The following U2SURP variants were observed in gnomAD, a reference collection of about 807,000 sequenced individuals.
U2SURP encodes the protein U2 snRNP associated SURP domain containing, also known as U2 snRNP-associated SURP motif-containing protein.
U2SURP carries 9 observed loss-of-function variants against 144.9 expected under a neutral mutation model. That is an observed-to-expected ratio of 0.06 (90% confidence interval 0.04 to 0.11). The LOEUF (loss-of-function observed/expected upper bound fraction) is 0.11. U2SURP is among the 10% of genes least tolerant of loss of function. U2SURP has a pLI of 1.00. For missense variants in U2SURP, 724 were observed against 1,226.7 expected (o/e 0.59, Z 6.12); for synonymous variants, 408 against 396.8 (o/e 1.03, Z -0.33).
chr3:143,055,371 G>T lies in U2SURP; in HGVS notation c.2951+252G>T, dbSNP rs142688481. Among the ~76,000 whole-genome samples, 182 of 152,070 alleles carry T rather than the reference G, an allele frequency of 1.2e-3. 2 individuals carry two copies. In the East Asian group the frequency reaches 0.031, roughly 26 times the overall value. On this transcript the variant is annotated intron_variant, in intron 27 of 27. Coordinates refer to ENST00000473835, the MANE Select transcript of U2SURP (RefSeq NM_001080415.2). Reference sequence around the variant, plus strand: ...AAACATCATATCCAATGTTTTCTGTGGAATAGGGTTAGCTGCTTTACTTTT... The same window carrying T: ...AAACATCATATCCAATGTTTTCTGTTGAATAGGGTTAGCTGCTTTACTTTT...
Position 143,052,144 on chromosome 3 carries a change from C to T in U2SURP, c.2655+1095C>T, listed in dbSNP as rs139097926. Among the ~76,000 whole-genome samples the T allele has an allele frequency of 1.7e-3, 262 of 152,242 alleles. 1 individual carries two copies. Among genetic ancestry groups the T allele is most frequent in the South Asian group, 2.5e-3 (12 of 4,824 alleles). ...GCTCACGCCTGTAATCCCAGCACTT[C>T]GGGAGGCCGGGCAATCACCTCAGGC... is the stretch of plus-strand genomic sequence containing the variant. On this transcript the variant is annotated intron_variant, in intron 25 of 27. Coordinates refer to ENST00000473835, the MANE Select transcript of U2SURP (RefSeq NM_001080415.2).
chr3:143,049,878 A>G (rs1474337195), intron 24 of U2SURP, among the ~76,000 whole-genome samples: 1 of 152,196 alleles, frequency 6.6e-6, no homozygotes, highest in African/African-American at 2.4e-5. Context: ...TGATTTTACT[A>G]GTTTTTTCAG....
Position 143,056,452 on chromosome 3 carries a change from G to A in U2SURP, c.*2G>A, listed in dbSNP as rs754417273. On this transcript the variant is annotated 3_prime_UTR_variant, in exon 28 of 28. Transcript: ENST00000473835. ...AAGTCAAAGAAAAACAAACACTGAC[G>A]TAAATTTTTAAGATGCTGTCACTTA... The A allele has an allele frequency of 3.1e-6, 5 of 1,611,078 alleles. No individual in the cohort carries two copies. The highest frequency in any genetic ancestry group is 1.7e-4 in the Middle Eastern group (1 of 6,040).
At chr3:143,009,319 C>T (rs375052829) in intron 1 of U2SURP, among the ~76,000 whole-genome samples, 44 of 151,998 alleles carry the variant, frequency 2.9e-4, no homozygotes, top group African/African-American at 9.6e-4. Context: ...GAGATGGGGC[C>T]GGGTGCGGTC....
At chr3:143,046,297 A>ATTTTTTTTTTTTT (rs11400849) in intron 24 of U2SURP, among the ~76,000 whole-genome samples, 6 of 106,386 alleles carry the variant, frequency 5.6e-5, no homozygotes, top group Admixed American at 1.0e-4. Context: ...TTTATTTTTT[A>ATTTTTTTTTTTTT]TTTTTTTTTA....
rs774350003 is a variant in U2SURP, at chr3:143,038,939, CAGA to C, written c.2374_2376del (p.Glu792del). On this transcript the variant is annotated inframe_deletion, in exon 23 of 28. Coordinates refer to ENST00000473835, the MANE Select transcript of U2SURP (RefSeq NM_001080415.2). ...GAATTATTTGACCAGCATGAAGAAT[CAGA>C]AGAAGAAGAAAATCAAAAGTAAGAA... The C allele has an allele frequency of 1.3e-5, 20 of 1,540,722 alleles. No individual in the cohort carries two copies. Among genetic ancestry groups the C allele is most frequent in the South Asian group, 1.3e-4 (10 of 79,648 alleles).
intron 1 of U2SURP, among the ~76,000 whole-genome samples, chr3:143,003,295 A>G (rs1047811100): frequency 3.3e-5 from 5 of 152,236 alleles, no homozygotes; most frequent in African/African-American, 9.6e-5. Context: ...GAATCAGAAT[A>G]TCTTAACTAA....
chr3:143,022,840 T>G lies in U2SURP; in HGVS notation c.1019-13T>G, dbSNP rs1440455395. The G allele has an allele frequency of 8.5e-6, 13 of 1,537,218 alleles. No individual in the cohort carries two copies. In the Admixed American group the frequency reaches 2.9e-4, roughly 35 times the overall value. ...GAGAGTTAACAAAATGACCTTTCATTTCTTTCTTGTAGGAAAAATGATTAT... is the reference window on the plus strand; with the variant it reads ...GAGAGTTAACAAAATGACCTTTCATGTCTTTCTTGTAGGAAAAATGATTAT... On this transcript the variant is annotated splice_polypyrimidine_tract_variant and intron_variant, in intron 11 of 27. Coordinates refer to ENST00000473835, the MANE Select transcript of U2SURP (RefSeq NM_001080415.2).
chr3:143,027,350 C>T, intron 14 of U2SURP, 97 bp downstream of exon 14: 1 of 858,262 alleles, frequency 1.2e-6, no homozygotes, highest in Non-Finnish European at 1.8e-6. Flanking sequence ...AGTACATTCA[C>T]ATTGTTGTAC....
chr3:143,032,654 CTGAA>C (rs1933573197), intron 16 of U2SURP, 126 bp from the exon 17 acceptor site: 1 of 729,508 alleles, frequency 1.4e-6, no homozygotes, highest in East Asian at 2.8e-5. Flanking sequence ...ACAAATCAGA[CTGAA>C]TGTATTACAG....
At chr3:143,004,353 GTTTTTT>G (rs869186497) in intron 1 of U2SURP, among the ~76,000 whole-genome samples, 1 of 83,412 alleles carries the variant, frequency 1.2e-5, no homozygotes, top group African/African-American at 4.2e-5. Context: ...TAGTTGGGGT[GTTTTTT>G]TTTTTTTTTT....
At chr3:143,054,155 C>A (rs1212009162) in intron 26 of U2SURP, among the ~76,000 whole-genome samples, 1 of 152,214 alleles carries the variant, frequency 6.6e-6, no homozygotes, top group East Asian at 1.9e-4. Flanking sequence ...GCTGAGGCTG[C>A]TACTTGTAAA....
rs545808765 is a variant in U2SURP, at chr3:143,045,940, A to G, written c.2544+2664A>G. Among the ~76,000 whole-genome samples the G allele has an allele frequency of 1.4e-3, 218 of 152,372 alleles. 1 individual carries two copies. Among genetic ancestry groups the G allele is most frequent in the African/African-American group, 4.5e-3 (188 of 41,594 alleles). On this transcript the variant is annotated intron_variant, in intron 24 of 27. Coordinates refer to ENST00000473835, the MANE Select transcript of U2SURP (RefSeq NM_001080415.2). The stretch of plus-strand genomic sequence containing the variant: ...ACTCGGAGCTCATGAGCTTTATCCC[A>G]GGGCTTTTCACAACTAGCTCTCTTC...
At chr3:143,001,796 C>A in intron 1 of U2SURP, 123 bp downstream of exon 1, 1 of 1,245,632 alleles carries the variant, frequency 8.0e-7, no homozygotes, top group Non-Finnish European at 1.1e-6. Flanking sequence ...GACGGTAGGC[C>A]CGGGCGCCGC....
At chr3:143,055,352 C>G (rs1240273727) in intron 27 of U2SURP, among the ~76,000 whole-genome samples, 1 of 152,066 alleles carries the variant, frequency 6.6e-6, no homozygotes, top group Non-Finnish European at 1.5e-5. Flanking sequence ...TTTTAAACAT[C>G]ATATCCAATG....
chr3:143,055,152 A>T (rs1340343440), intron 27 of U2SURP, 33 bp downstream of exon 27: 1 of 1,506,066 alleles, frequency 6.6e-7, no homozygotes, highest in African/African-American at 1.4e-5. Flanking sequence ...AATATTTCAG[A>T]TACCAGTTTC....
chr3:143,033,138 T>G (rs1005011888), intron 17 of U2SURP, 133 bp from the exon 18 acceptor site: 1 of 828,018 alleles, frequency 1.2e-6, no homozygotes, highest in African/African-American at 1.7e-5. Context: ...GTTAACAAAT[T>G]TCATCTCTGC....
At position 143,017,047 on chromosome 3, in the gene U2SURP, A is replaced by G. The variant is rs972113318; in HGVS notation, c.570+72A>G. ...TGCCAGTGATACTTCCACTGTAAGCAAGACTTTGGCTTTTTTTCGTTTTTG... is the reference window on the plus strand; with the variant it reads ...TGCCAGTGATACTTCCACTGTAAGCGAGACTTTGGCTTTTTTTCGTTTTTG... On this transcript the variant is annotated intron_variant, in intron 6 of 27. Coordinates refer to ENST00000473835, the MANE Select transcript of U2SURP (RefSeq NM_001080415.2). 7.0e-6 allele frequency: 10 copies of G among 1,434,578 alleles called. No individual in the cohort carries two copies. The African/African-American group carries it at 1.3e-4, about 19-fold the overall frequency. 88.9% of individuals were successfully genotyped at this position (1,434,578 alleles called of 1,614,324 possible). A position where few individuals can be genotyped will look rare whatever the true frequency, so the allele number is the denominator to read the frequency against.
At chr3:143,043,719 A>G (rs201144127) in intron 24 of U2SURP, among the ~76,000 whole-genome samples, 290 of 15,522 alleles carry the variant, frequency 0.019, 1 homozygote, top group African/African-American at 0.079. Context: ...GATTATATGT[A>G]TATATATATA....
Sources: allele counts gnomAD v4.1 joint callset (sites outside exome capture counted in the v4.1 genomes callset), GRCh38; gene constraint gnomAD v4.1.1; transcripts MANE v1.5; gene names NCBI Gene and HGNC (gene_info 2026-07-23, HGNC 2026-07-21).